Variants in MAPK14 observed in about 807,000 individuals in gnomAD.
The protein encoded by MAPK14 is CSAID-binding protein.
MAPK14 carries 16 observed loss-of-function variants against 49.6 expected under a neutral mutation model. The observed-to-expected ratio is 0.32, with a 90% CI of 0.22 to 0.49. The LOEUF is 0.49. Ranked by LOEUF, MAPK14 falls within the 20% of genes least tolerant of loss-of-function variation. MAPK14 has a pLI of 0.99. For missense variants in MAPK14, 200 were observed against 441.2 expected (o/e 0.45, Z 4.90); for synonymous variants, 142 against 158.0 (o/e 0.90, Z 0.76).
At chr6:36,068,593 G>GT (rs1764152521) in intron 3 of MAPK14, among the ~76,000 whole-genome samples, 1 of 152,058 alleles carries the variant, frequency 6.6e-6, no homozygotes, top group Admixed American at 6.6e-5. Flanking sequence ...GTTTTGTTTT[G>GT]TTTTTTGCCT....
intron 3 of MAPK14, among the ~76,000 whole-genome samples, chr6:36,065,792 GAT>G (rs1395419549): frequency 6.6e-6 from 1 of 152,058 alleles, no homozygotes; most frequent in Non-Finnish European, 1.5e-5. Context: ...GTGATAAAAA[GAT>G]ATCATTTTAC....
At chr6:36,100,375 C>T (rs963300146) in intron 9 of MAPK14, 1 of 829,062 alleles carries the variant, frequency 1.2e-6, no homozygotes, top group African/African-American at 1.7e-5. Context: ...CTTGCATGTG[C>T]CTTGAGGCCT....
At chr6:36,066,673 T>A (rs1764072369) in intron 3 of MAPK14, among the ~76,000 whole-genome samples, 1 of 151,958 alleles carries the variant, frequency 6.6e-6, no homozygotes, top group Non-Finnish European at 1.5e-5. Context: ...GAATGGAGAG[T>A]GTTAAATGAG....
chr6:36,115,414 T>G (rs1268405597), downstream of MAPK14, among the ~76,000 whole-genome samples: 1 of 152,248 alleles, frequency 6.6e-6, no homozygotes, highest in Non-Finnish European at 1.5e-5. Flanking sequence ...GTGAAATTCA[T>G]AGATAATTCA....
At chr6:36,100,687 A>G (rs1321062774) in intron 9 of MAPK14, among the ~76,000 whole-genome samples, 3 of 152,206 alleles carry the variant, frequency 2.0e-5, no homozygotes, top group East Asian at 1.9e-4. Context: ...GAAATATCCA[A>G]TACTAATATG....
chr6:36,072,819 T>G, intron 3 of MAPK14, 54 bp from the exon 4 acceptor site: 1 of 988,314 alleles, frequency 1.0e-6, no homozygotes, highest in South Asian at 1.5e-5. Context: ...CTTCTGAAGA[T>G]AAGAACTTTC....
the MAPK14 span, among the ~76,000 whole-genome samples, chr6:36,119,867 A>C: frequency 6.6e-6 from 1 of 152,196 alleles, no homozygotes; most frequent in African/African-American, 2.4e-5. Flanking sequence ...CAACAACCTT[A>C]AGTGAAAAAG....
At chr6:36,096,823 G>A (rs1449544423) in intron 9 of MAPK14, 1 of 152,242 alleles carries the variant, frequency 6.6e-6, no homozygotes, top group Admixed American at 6.5e-5. Context: ...ATGGGAATGT[G>A]AGTCTGGCTT....
At chr6:36,053,748 C>G (rs1763487790) in intron 2 of MAPK14, among the ~76,000 whole-genome samples, 1 of 152,280 alleles carries the variant, frequency 6.6e-6, no homozygotes, top group East Asian at 1.9e-4. Context: ...AATTTAACTT[C>G]TTCATAGCGA....
At position 36,074,101 on chromosome 6, in the gene MAPK14, A is replaced by G. The variant is rs909268805; in HGVS notation, c.495+5A>G. Reference sequence around the variant, plus strand: ...AATGAAGACTGTGAGCTGAAGGTAAAATGAAGAGACAGTATTCATTGTTTG... The same window carrying G: ...AATGAAGACTGTGAGCTGAAGGTAAGATGAAGAGACAGTATTCATTGTTTG... On this transcript the variant is annotated splice_donor_5th_base_variant and intron_variant, in intron 6 of 11. Transcript: ENST00000229794. 1.1e-5 allele frequency: 17 copies of G among 1,611,520 alleles called. No homozygotes were observed. Among genetic ancestry groups the G allele is most frequent in the Non-Finnish European group, 1.4e-5 (16 of 1,177,868 alleles).
At chr6:36,031,701 G>A (rs1199211049) in intron 1 of MAPK14, among the ~76,000 whole-genome samples, 3 of 151,978 alleles carry the variant, frequency 2.0e-5, no homozygotes, top group African/African-American at 7.3e-5. Context: ...CACCGTCTCT[G>A]GCCATCCATC....
intron 8 of MAPK14, among the ~76,000 whole-genome samples, chr6:36,090,999 A>C (rs1306090233): frequency 6.6e-6 from 1 of 152,208 alleles, no homozygotes; most frequent in African/African-American, 2.4e-5. Context: ...GTCTTATTCT[A>C]GTCTATCCTG....
intron 8 of MAPK14, among the ~76,000 whole-genome samples, chr6:36,085,452 G>A (rs529087915): frequency 8.5e-5 from 13 of 152,070 alleles, no homozygotes; most frequent in Non-Finnish European, 1.9e-4. Context: ...ACATACAAAG[G>A]CTCAGAATAA....
intron 8 of MAPK14, among the ~76,000 whole-genome samples, chr6:36,085,196 A>G (rs892705566): frequency 1.3e-5 from 2 of 152,212 alleles, no homozygotes; most frequent in African/African-American, 2.4e-5. Context: ...GGAAAAACTT[A>G]CTGGCCACTA....
intron 9 of MAPK14, 87 bp from the exon 10 acceptor site, chr6:36,102,484 A>T: frequency 1.0e-6 from 1 of 991,316 alleles, no homozygotes; most frequent in Non-Finnish European, 1.6e-6. Flanking sequence ...GTCAGTTAAC[A>T]CTCGTTCCTT....
chr6:36,107,748 T>G lies in MAPK14; in HGVS notation c.1015+120T>G, dbSNP rs1765841609. 7 of 596,368 alleles carry G rather than the reference T, an allele frequency of 1.2e-5. No individual in the cohort carries two copies. Among genetic ancestry groups the G allele is most frequent in the South Asian group, 1.0e-4 (3 of 28,860 alleles). The allele number at this position is 596,368 out of a possible 1,614,324, so 36.9% of individuals were successfully genotyped here. A position where few individuals can be genotyped will look rare whatever the true frequency, so the allele number is the denominator to read the frequency against. On this transcript the variant is annotated intron_variant, in intron 11 of 11. Transcript: ENST00000229794. This position sits in a 1 kb window ranked among gnomAD's most constrained non-coding sequence, Gnocchi z 4.3. ...TGTAGATGAGGTCTCTAATGCAGAA[T>G]GAATATGTTCTCTGGTGGAAACTGT...
rs564315728 is a variant in MAPK14, at chr6:36,092,004, G to A, written c.683-3983G>A. The A allele has an allele frequency of 5.1e-4, 191 of 373,486 alleles. 2 individuals carry two copies. The highest frequency in any genetic ancestry group is 4.3e-3 in the South Asian group (186 of 43,620). 23.1% of individuals were successfully genotyped at this position (373,486 alleles called of 1,614,324 possible). ...GTCTTTGGCCTTAAAATTTCAGGAC[G>A]GGCACTTCAGATGGCTTCACATTTG... On this transcript the variant is annotated intron_variant, in intron 8 of 11. Coordinates refer to ENST00000229794, the MANE Select transcript of MAPK14 (RefSeq NM_139012.3).
intron 1 of MAPK14, among the ~76,000 whole-genome samples, chr6:36,049,514 A>G (rs1212816892): frequency 6.6e-6 from 1 of 152,208 alleles, no homozygotes; most frequent in African/African-American, 2.4e-5. Context: ...GACCCACTTC[A>G]AAGTTTCTTA....
At chr6:36,102,499 G>A (rs1207030669) in intron 9 of MAPK14, 72 bp from the exon 10 acceptor site, 1 of 1,166,964 alleles carries the variant, frequency 8.6e-7, no homozygotes, top group Non-Finnish European at 1.3e-6. Context: ...TTCCTTAGCA[G>A]GACCAAGATT....
Sources: allele counts gnomAD v4.1 joint callset (sites outside exome capture counted in the v4.1 genomes callset), GRCh38; gene constraint gnomAD v4.1.1; non-coding constraint Gnocchi (gnomAD v3.1); transcripts MANE v1.5; gene names NCBI Gene and HGNC (gene_info 2026-07-23, HGNC 2026-07-21).